DLC1: variants seen among roughly 807,000 people sequenced by gnomAD.
DLC1 encodes the protein rho GTPase-activating protein 7.
DLC1 carries 54 observed loss-of-function variants against 140.3 expected under a neutral mutation model. That is an observed-to-expected ratio of 0.38 (90% confidence interval 0.31 to 0.48). DLC1 has a LOEUF of 0.48. Among genes scored for constraint, DLC1 ranks in the 20% least tolerant of loss-of-function variants. The pLI, the probability that DLC1 is intolerant of heterozygous loss-of-function variation, is 0.96. For synonymous variants in DLC1, 986 were observed against 728.1 expected, an observed-to-expected ratio of 1.35 and a Z score of -5.70; for missense variants, 2,536 against 1,907.0, an observed-to-expected ratio of 1.33 and a Z score of -6.14.
At chr8:13,567,065 T>C in intron 1 of DLC1, 3 of 1,551,740 alleles carry the variant, frequency 1.9e-6, no homozygotes, top group Non-Finnish European at 2.6e-6. Context: ...ACTGAGACTT[T>C]GAAGAACTCT....
At chr8:13,491,886 G>A (rs547936174) in intron 2 of DLC1, among the ~76,000 whole-genome samples, 13 of 152,174 alleles carry the variant, frequency 8.5e-5, no homozygotes, top group South Asian at 8.3e-4. Context: ...TTACCACAAC[G>A]AAGACATGCA....
intron 1 of DLC1, among the ~76,000 whole-genome samples, chr8:13,512,907 AT>A (rs1212656899): frequency 1.3e-5 from 2 of 149,668 alleles, no homozygotes; most frequent in Non-Finnish European, 1.5e-5. Flanking sequence ...TACTGATTTG[AT>A]TTTTTTTTAA....
rs1563360181 is a variant in DLC1 at position 13,453,453 on chromosome 8, TATATATGTATATATATAC to T, written c.1023+45578_1023+45595del. Among the ~76,000 whole-genome samples the T allele has an allele frequency of 2.3e-3, 84 of 36,834 alleles. 10 individuals are homozygous for T. The highest frequency in any genetic ancestry group is 0.01 in the African/African-American group (80 of 7,730). The allele number at this position is 36,834 out of a possible 152,430, so 24.2% of individuals were successfully genotyped here. On this transcript the variant is annotated intron_variant, in intron 2 of 17. Coordinates refer to ENST00000276297, the MANE Select transcript of DLC1 (RefSeq NM_182643.3). ...ATATATATATGTATATATATACATA[TATATATGTATATATATAC>T]ATATATATGTATATATATACATATA...
chr8:13,156,277 A>G (rs543905342), intron 5 of DLC1, among the ~76,000 whole-genome samples: 124 of 152,282 alleles, frequency 8.1e-4, no homozygotes, highest in Admixed American at 1.5e-3. Context: ...TCATGGCCAA[A>G]ATGTCATCCC....
At chr8:13,331,930 A>G (rs554960924) in intron 4 of DLC1, among the ~76,000 whole-genome samples, 1 of 152,292 alleles carries the variant, frequency 6.6e-6, no homozygotes, top group Non-Finnish European at 1.5e-5. Flanking sequence ...TCTTGACATA[A>G]CATGTTGAGA....
intron 5 of DLC1, among the ~76,000 whole-genome samples, chr8:13,116,813 T>C (rs954207921): frequency 2.6e-5 from 4 of 152,152 alleles, no homozygotes; most frequent in African/African-American, 9.7e-5. Context: ...TCCTGATGAG[T>C]TCTTAATACC....
Position 13,499,589 on chromosome 8 carries a change from A to G in DLC1, c.483T>C (p.Ser161=), listed in dbSNP as rs770053625. Residue 161 remains serine, a synonymous_variant, in exon 2 of 18, where the codon TCT becomes TCC. Coordinates refer to ENST00000276297, the MANE Select transcript of DLC1 (RefSeq NM_182643.3). ...LPIIQSNQVS[S]NSWGIAGETE... is the part of the protein sequence containing the mutation. ...TTTCACCAGCTATTCCCCAGGAGTT[A>G]GAAGAAACTTGGTTACTTTGTATGA... is the stretch of plus-strand genomic sequence containing the variant. 3.7e-6 allele frequency: 6 copies of G among 1,614,170 alleles called. No individual in the cohort carries two copies. The highest frequency in any genetic ancestry group is 4.5e-5 in the East Asian group (2 of 44,878).
At chr8:13,479,419 T>G (rs1167886542) in intron 2 of DLC1, among the ~76,000 whole-genome samples, 3 of 152,102 alleles carry the variant, frequency 2.0e-5, no homozygotes, top group African/African-American at 7.2e-5. Flanking sequence ...TACAAGTTAT[T>G]ACAAAAAAAT....
At chr8:13,564,326 T>G (rs1377296966) in intron 1 of DLC1, among the ~76,000 whole-genome samples, 1 of 152,208 alleles carries the variant, frequency 6.6e-6, no homozygotes, top group Non-Finnish European at 1.5e-5. Context: ...GATATACGAT[T>G]CTTTCCTTCA....
chr8:13,409,512 G>A (rs289607), intron 2 of DLC1, among the ~76,000 whole-genome samples: 1,705 of 152,162 alleles, frequency 0.011, 27 homozygotes, highest in African/African-American at 0.039. Flanking sequence ...TCCAAATATT[G>A]TATAAGACAA....
intron 5 of DLC1, among the ~76,000 whole-genome samples, chr8:13,218,958 GTATAT>G (rs1563173830): frequency 4.1e-4 from 13 of 31,692 alleles, no homozygotes; most frequent in African/African-American, 2.3e-3. Context: ...AATTATATAC[GTATAT>G]AATTATATAC....
At chr8:13,548,457 C>T (rs907140119) in intron 1 of DLC1, among the ~76,000 whole-genome samples, 1 of 151,902 alleles carries the variant, frequency 6.6e-6, no homozygotes, top group Non-Finnish European at 1.5e-5. Flanking sequence ...CATGGGTCTG[C>T]AATAGTGAAG....
At chr8:13,275,031 T>G (rs1831103912) in intron 5 of DLC1, among the ~76,000 whole-genome samples, 1 of 152,196 alleles carries the variant, frequency 6.6e-6, no homozygotes, top group South Asian at 2.1e-4. Flanking sequence ...GGTGCCACAT[T>G]TTCCTCTAAA....
intron 2 of DLC1, among the ~76,000 whole-genome samples, chr8:13,417,638 C>T (rs997065598): frequency 6.6e-6 from 1 of 152,000 alleles, no homozygotes; most frequent in Non-Finnish European, 1.5e-5. Flanking sequence ...GGTTCCAAGT[C>T]TTTGCTATTG....
intron 2 of DLC1, among the ~76,000 whole-genome samples, chr8:13,495,671 C>T (rs1487339306): frequency 6.6e-6 from 1 of 152,104 alleles, no homozygotes; most frequent in Non-Finnish European, 1.5e-5. Context: ...AATTGAGACT[C>T]CTAATAAATA....
intron 1 of DLC1, among the ~76,000 whole-genome samples, chr8:13,560,115 C>T (rs995444945): frequency 2.6e-5 from 4 of 152,134 alleles, no homozygotes; most frequent in African/African-American, 9.7e-5. Flanking sequence ...AGTTGCTTTG[C>T]TACTCTTAAA....
At chr8:13,242,713 G>C (rs998294893) in intron 5 of DLC1, among the ~76,000 whole-genome samples, 1 of 152,170 alleles carries the variant, frequency 6.6e-6, no homozygotes, top group Non-Finnish European at 1.5e-5. Flanking sequence ...GTTTACACAG[G>C]TGTTGCCATT....
At chr8:13,455,634 C>T (rs533576643) in intron 2 of DLC1, among the ~76,000 whole-genome samples, 2 of 152,204 alleles carry the variant, frequency 1.3e-5, no homozygotes, top group Non-Finnish European at 2.9e-5. Context: ...CTTCTCTGGC[C>T]ACCCTGTGCC....
chr8:13,390,692 C>A (rs533338600), intron 4 of DLC1, among the ~76,000 whole-genome samples: 1 of 152,092 alleles, frequency 6.6e-6, no homozygotes, highest in Non-Finnish European at 1.5e-5. Flanking sequence ...TATCCTGGAA[C>A]TTTAAGAAAA....
Sources: allele counts gnomAD v4.1 joint callset (sites outside exome capture counted in the v4.1 genomes callset), GRCh38; gene constraint gnomAD v4.1.1; transcripts MANE v1.5; gene names NCBI Gene and HGNC (gene_info 2026-07-23, HGNC 2026-07-21).